CSMD1: variants seen among roughly 807,000 people sequenced by gnomAD.
CSMD1 encodes CUB and Sushi multiple domains 1.
A neutral mutation model predicts 417.5 loss-of-function variants in CSMD1; 213 were observed. The ratio of observed to expected loss-of-function variants is 0.51; its 90% CI spans 0.46 to 0.57. The LOEUF (loss-of-function observed/expected upper bound fraction) is 0.57, where lower values mean the gene tolerates loss of function less well. CSMD1 is among the 20% of genes least tolerant of loss of function. The pLI is 0.00. For synonymous variants in CSMD1, 2,862 were observed against 1,736.8 expected (o/e 1.65, Z -16.11); for missense variants, 6,923 against 4,529.7 (o/e 1.53, Z -15.17).
chr8:4,176,358 G>A (rs917487639), intron 3 of CSMD1, among the ~76,000 whole-genome samples: 19 of 152,066 alleles, frequency 1.2e-4, no homozygotes, highest in Middle Eastern at 3.4e-3. Flanking sequence ...AAATTAGTAT[G>A]ACAACAATCT....
chr8:3,661,655 C>T (rs1477923360), intron 7 of CSMD1, among the ~76,000 whole-genome samples: 3 of 152,180 alleles, frequency 2.0e-5, no homozygotes, highest in African/African-American at 7.2e-5. Context: ...CACCATCTCG[C>T]CCAGCTAATT....
chr8:4,381,740 G>A (rs943062317), intron 3 of CSMD1, among the ~76,000 whole-genome samples: 7 of 152,094 alleles, frequency 4.6e-5, no homozygotes, highest in Non-Finnish European at 2.9e-5. Context: ...TTTAGGCTTC[G>A]ATGCTATGTT....
Position 2,989,653 on chromosome 8 carries a change from TA to T in CSMD1, c.8377+8357del, listed in dbSNP as rs1315879870. 3.9e-5 allele frequency among the ~76,000 whole-genome samples: 6 copies of T among 152,348 alleles called. No homozygotes were observed. In the East Asian group the frequency reaches 1.2e-3, roughly 29 times the overall value. ...ATGGTATCTAGTGGACCAGAGACAG[TA>T]TCTGGGATACAGAGAATGATGAATA... is the stretch of plus-strand genomic sequence containing the variant. On this transcript the variant is annotated intron_variant, in intron 54 of 69. Transcript: ENST00000635120.
chr8:4,416,880 A>T (rs909290210), intron 3 of CSMD1, among the ~76,000 whole-genome samples: 1 of 152,104 alleles, frequency 6.6e-6, no homozygotes, highest in Non-Finnish European at 1.5e-5. Context: ...ATTTATAGAC[A>T]TAGTACTTCA....
intron 3 of CSMD1, among the ~76,000 whole-genome samples, chr8:4,053,961 T>C (rs1274572440): frequency 1.3e-5 from 2 of 152,202 alleles, no homozygotes; most frequent in Non-Finnish European, 2.9e-5. Context: ...TTTATTACCG[T>C]GCATTCAAAA....
chr8:4,063,441 T>C (rs1196031464), intron 3 of CSMD1, among the ~76,000 whole-genome samples: 1 of 152,162 alleles, frequency 6.6e-6, no homozygotes, highest in African/African-American at 2.4e-5. Flanking sequence ...GAATACAATG[T>C]CCTTAGAACA....
At chr8:4,212,105 G>C (rs952818985) in intron 3 of CSMD1, among the ~76,000 whole-genome samples, 1 of 151,540 alleles carries the variant, frequency 6.6e-6, no homozygotes, top group African/African-American at 2.4e-5. Context: ...TAAAAGTCAT[G>C]ATTTCAAAGA....
intron 3 of CSMD1, among the ~76,000 whole-genome samples, chr8:4,144,097 G>A (rs1048274114): frequency 6.0e-5 from 9 of 151,204 alleles, no homozygotes; most frequent in African/African-American, 2.2e-4. Flanking sequence ...ACTTTAGAAA[G>A]TTTGAGTTAA....
chr8:3,541,750 T>G (rs896503992), intron 10 of CSMD1, among the ~76,000 whole-genome samples: 1 of 149,500 alleles, frequency 6.7e-6, no homozygotes, highest in Non-Finnish European at 1.5e-5. Flanking sequence ...TATATAAATA[T>G]ATATAAACAA....
chr8:3,816,313 G>C (rs1010074301), intron 5 of CSMD1, among the ~76,000 whole-genome samples: 8 of 152,154 alleles, frequency 5.3e-5, no homozygotes, highest in Non-Finnish European at 1.0e-4. Flanking sequence ...TTCCCTTGCT[G>C]TGTTTTCAGC....
intron 3 of CSMD1, among the ~76,000 whole-genome samples, chr8:4,087,389 T>G (rs922589314): frequency 1.8e-4 from 27 of 152,312 alleles, no homozygotes; most frequent in Non-Finnish European, 2.8e-4. Context: ...CTAACACACA[T>G]AGCTGTTCTT....
At chr8:3,481,400 T>A (rs1585228846) in intron 11 of CSMD1, among the ~76,000 whole-genome samples, 1 of 152,194 alleles carries the variant, frequency 6.6e-6, no homozygotes, top group East Asian at 1.9e-4. Flanking sequence ...GTACTTCAGA[T>A]AATAATTTCA....
intron 3 of CSMD1, among the ~76,000 whole-genome samples, chr8:4,193,071 T>G (rs144337242): frequency 6.6e-6 from 1 of 152,234 alleles, no homozygotes; most frequent in Non-Finnish European, 1.5e-5. Context: ...TTATTTGAAA[T>G]ACATCTTTTG....
intron 2 of CSMD1, among the ~76,000 whole-genome samples, chr8:4,430,757 G>C (rs1429976975): frequency 6.6e-6 from 1 of 152,092 alleles, no homozygotes; most frequent in Admixed American, 6.6e-5. Flanking sequence ...CATAATGTAT[G>C]TTTATGACAA....
At chr8:3,743,259 G>C (rs1796902943) in intron 6 of CSMD1, among the ~76,000 whole-genome samples, 1 of 152,160 alleles carries the variant, frequency 6.6e-6, no homozygotes, top group South Asian at 2.1e-4. Flanking sequence ...AATATTCCAG[G>C]AATTATTCAA....
chr8:4,392,665 AT>A (rs1300614396), intron 3 of CSMD1, among the ~76,000 whole-genome samples: 4 of 140,358 alleles, frequency 2.8e-5, no homozygotes, highest in Admixed American at 1.4e-4. Flanking sequence ...TATTATTATT[AT>A]TTTTTTTTGA....
rs7843458 is a variant in CSMD1 at position 3,024,225 on chromosome 8, A to G, written c.7855+5094T>C. Among the ~76,000 whole-genome samples the G allele has an allele frequency of 4.9e-3, 748 of 151,574 alleles. 5 individuals are homozygous for G. The highest frequency in any genetic ancestry group is 0.017 in the African/African-American group (717 of 41,180). ...ATGAAATAAAAATGTGTTACAGAAA[A>G]AATGAATTAATGTGTTTATTGATTT... On this transcript the variant is annotated intron_variant, in intron 51 of 69. Transcript: ENST00000635120.
chr8:4,064,827 T>A (rs375938261), intron 3 of CSMD1, among the ~76,000 whole-genome samples: 53 of 152,246 alleles, frequency 3.5e-4, no homozygotes, highest in African/African-American at 1.3e-3. Context: ...TATATCTATA[T>A]CATGTCAATA....
At chr8:3,878,306 A>G (rs1225043871) in intron 5 of CSMD1, among the ~76,000 whole-genome samples, 2 of 152,188 alleles carry the variant, frequency 1.3e-5, no homozygotes, top group Non-Finnish European at 2.9e-5. Flanking sequence ...CTCCCAGTGT[A>G]TAATATTCTC....
Sources: gnomAD v4.1 joint callset for allele counts (sites outside exome capture counted in the v4.1 genomes callset) on GRCh38, gnomAD v4.1.1 for gene constraint, MANE v1.5 for transcripts, NCBI Gene and HGNC (gene_info 2026-07-23, HGNC 2026-07-21) for gene names.